Variants in RC3H2 observed in about 807,000 individuals in gnomAD.
RC3H2 encodes the protein roquin-2.
In RC3H2, 31 loss-of-function variants were observed where a neutral mutation model predicts 133.3. The observed-to-expected ratio is 0.23, with a 90% confidence interval of 0.17 to 0.31. RC3H2 has a LOEUF of 0.31. Among genes scored for constraint, RC3H2 ranks in the 10% least tolerant of loss-of-function variants. The pLI is 1.00. For missense variants in RC3H2, 1,175 were observed against 1,437.2 expected (o/e 0.82, Z 2.95); for synonymous variants, 517 against 502.2 (o/e 1.03, Z -0.40).
At position 122,880,306 on chromosome 9, in the gene RC3H2, C is replaced by T. The variant is rs1357770016; in HGVS notation, c.961-181G>A. 6 of 849,552 alleles carry T rather than the reference C, an allele frequency of 7.1e-6. No homozygotes were observed. The African/African-American group carries it at 9.9e-5, about 14-fold the overall frequency. The allele number at this position is 849,552 out of a possible 1,614,324, so 52.6% of individuals were successfully genotyped here. A position where few individuals can be genotyped will look rare whatever the true frequency, so the allele number is the denominator to read the frequency against. On this transcript the variant is annotated intron_variant, in intron 6 of 20. Coordinates refer to ENST00000357244, the MANE Select transcript of RC3H2 (RefSeq NM_001100588.3). The stretch of plus-strand genomic sequence containing the variant: ...CTGCCCTATGAAATTCATCATTAGA[C>T]ACTTAGAAAACTTATAAGCTGTATT...
At chr9:122,866,369 C>CCCCCTA in intron 9 of RC3H2, among the ~76,000 whole-genome samples, 1 of 3,440 alleles carries the variant, frequency 2.9e-4, no homozygotes, top group African/African-American at 3.2e-4. Flanking sequence ...CTCTCCCCCT[C>CCCCCTA]CCCCTCCCCC....
At chr9:122,880,198 A>G in intron 6 of RC3H2, 73 bp from the exon 7 acceptor site, 1 of 1,483,258 alleles carries the variant, frequency 6.7e-7, no homozygotes, top group Non-Finnish European at 9.4e-7. Context: ...CTTTCAATTT[A>G]TCAACATATT....
At chr9:122,886,036 C>T (rs866507397) in intron 4 of RC3H2, among the ~76,000 whole-genome samples, 3 of 152,096 alleles carry the variant, frequency 2.0e-5, no homozygotes, top group Admixed American at 2.0e-4. Context: ...TACAGGTGTG[C>T]ACCACCATGC....
chr9:122,862,523 A>G (rs1170341878), intron 10 of RC3H2, among the ~76,000 whole-genome samples: 1 of 152,198 alleles, frequency 6.6e-6, no homozygotes, highest in Non-Finnish European at 1.5e-5. Context: ...AATACCTCTC[A>G]TAGAATTATT....
intron 20 of RC3H2, among the ~76,000 whole-genome samples, chr9:122,850,609 AT>A (rs573776369): frequency 1.3e-5 from 2 of 151,358 alleles, no homozygotes; most frequent in African/African-American, 2.4e-5. Context: ...TGCCCAGCTA[AT>A]TTTTTTGTAT....
chr9:122,871,262 G>A (rs1292330433), intron 9 of RC3H2, among the ~76,000 whole-genome samples: 1 of 151,456 alleles, frequency 6.6e-6, no homozygotes, highest in Non-Finnish European at 1.5e-5. Flanking sequence ...TTTTTTTCTC[G>A]TGGGCACCTT....
At chr9:122,866,206 G>A (rs1459880913) in intron 9 of RC3H2, among the ~76,000 whole-genome samples, 1 of 152,086 alleles carries the variant, frequency 6.6e-6, no homozygotes, top group Non-Finnish European at 1.5e-5. Context: ...ATAGTTCTCA[G>A]AATAGTTTAT....
Position 122,855,840 on chromosome 9 carries a change from ATCT to A in RC3H2, c.2490_2492del (p.Glu830del), listed in dbSNP as rs774482826. ...ACCAGGGAGAATAATGGGAAAGATG[ATCT>A]TCTTCAAATTTTGTACCACTCACAC... On this transcript the variant is annotated inframe_deletion, in exon 14 of 21. Transcript: ENST00000357244. The A allele has an allele frequency of 4.8e-5, 78 of 1,613,650 alleles. No individual in the cohort carries two copies. The highest frequency in any genetic ancestry group is 2.6e-4 in the South Asian group (24 of 91,042).
chr9:122,876,082 T>C (rs761050420), intron 9 of RC3H2, among the ~76,000 whole-genome samples: 3 of 151,936 alleles, frequency 2.0e-5, no homozygotes, highest in Non-Finnish European at 4.4e-5. Context: ...ATCACAAGGA[T>C]GGAAAGAAGA....
At chr9:122,855,626 A>G in intron 14 of RC3H2, 106 bp downstream of exon 14, 1 of 1,305,824 alleles carries the variant, frequency 7.7e-7, no homozygotes, top group South Asian at 1.5e-5. Flanking sequence ...CTACTGAGTT[A>G]TAAGGCAACA....
At chr9:122,880,914 G>T in intron 5 of RC3H2, 120 bp from the exon 6 acceptor site, 1 of 692,314 alleles carries the variant, frequency 1.4e-6, no homozygotes. Flanking sequence ...ACAGAAATAA[G>T]GTACAAAGAT....
At chr9:122,896,141 T>G (rs1359831981) in intron 2 of RC3H2, among the ~76,000 whole-genome samples, 1 of 144,822 alleles carries the variant, frequency 6.9e-6, no homozygotes, top group African/African-American at 2.5e-5. Flanking sequence ...AAAAAAAACT[T>G]TACGAATTTG....
chr9:122,875,642 G>A (rs1831301955), intron 9 of RC3H2, among the ~76,000 whole-genome samples: 1 of 152,210 alleles, frequency 6.6e-6, no homozygotes, highest in African/African-American at 2.4e-5. Flanking sequence ...AAGCTGGTTA[G>A]TATGAAGTGT....
rs1031993045 is a variant in RC3H2 at position 122,845,334 on chromosome 9, A to G, written c.*4293T>C. 1 of 152,242 alleles carries G rather than the reference A, an allele frequency of 6.6e-6. No individual in the cohort carries two copies. The highest frequency in any genetic ancestry group is 2.4e-5 in the African/African-American group (1 of 41,470). The allele number at this position is 152,242 out of a possible 1,614,324, so 9.4% of individuals were successfully genotyped here. On this transcript the variant is annotated 3_prime_UTR_variant, in exon 21 of 21. Coordinates refer to ENST00000357244, the MANE Select transcript of RC3H2 (RefSeq NM_001100588.3). The stretch of plus-strand genomic sequence containing the variant: ...TGTACAGTGGATATGTGCAGTACAA[A>G]TAAAAGCCACATGTGTTGTATCACA...
In RC3H2 at chr9:122,859,890, T is replaced by G. The variant is rs778525152; in HGVS notation, c.1849+27A>C. On this transcript the variant is annotated intron_variant, in intron 11 of 20. Coordinates refer to ENST00000357244, the MANE Select transcript of RC3H2 (RefSeq NM_001100588.3). ...TCTAAAGGAAACAATGTTTCTTTTT[T>G]TCTTAGAATTGTCTAAAATTACTCA... The G allele has an allele frequency of 2.0e-5, 31 of 1,519,508 alleles. No homozygotes were observed. The Admixed American group carries it at 5.1e-4, about 25-fold the overall frequency. The allele number at this position is 1,519,508 out of a possible 1,614,324, so 94.1% of individuals were successfully genotyped here. A position where few individuals can be genotyped will look rare whatever the true frequency, so the allele number is the denominator to read the frequency against.
At chr9:122,902,553 G>C (rs1279092535) in intron 1 of RC3H2, among the ~76,000 whole-genome samples, 1 of 152,160 alleles carries the variant, frequency 6.6e-6, no homozygotes, top group East Asian at 1.9e-4. Context: ...CATTAAAAAA[G>C]GTTAAAAGAG....
At chr9:122,877,866 AT>A (rs1436403182) in intron 8 of RC3H2, among the ~76,000 whole-genome samples, 5 of 152,164 alleles carry the variant, frequency 3.3e-5, no homozygotes, top group African/African-American at 1.2e-4. Context: ...AAAAGAAAAT[AT>A]TTTTTCATCA....
intron 11 of RC3H2, 146 bp from the exon 12 acceptor site, chr9:122,859,248 C>T: frequency 2.6e-6 from 1 of 384,408 alleles, no homozygotes; most frequent in Non-Finnish European, 3.7e-6. Flanking sequence ...GCTTTATACC[C>T]TGGCTTTTTT....
Position 122,905,155 on chromosome 9 carries a change from C to T in RC3H2, c.-113G>A. ...TCGCTAAGGGCCGCTCCCGGGAGCC[C>T]CGCGACGGCGCGGCTTGGCGACGGA... On this transcript the variant is annotated 5_prime_UTR_variant, in exon 1 of 21. Transcript: ENST00000357244. 11 of 985,472 alleles carry T rather than the reference C, an allele frequency of 1.1e-5. No individual in the cohort carries two copies. Among genetic ancestry groups the T allele is most frequent in the Non-Finnish European group, 1.3e-5 (11 of 829,964 alleles). The allele number at this position is 985,472 out of a possible 1,614,324, so 61.0% of individuals were successfully genotyped here. A position where few individuals can be genotyped will look rare whatever the true frequency, so the allele number is the denominator to read the frequency against.
Sources: gnomAD v4.1 joint callset for allele counts (sites outside exome capture counted in the v4.1 genomes callset) on GRCh38, gnomAD v4.1.1 for gene constraint, MANE v1.5 for transcripts, NCBI Gene and HGNC (gene_info 2026-07-23, HGNC 2026-07-21) for gene names.